ANO6: variants seen among roughly 807,000 people sequenced by gnomAD.
ANO6 encodes anoctamin-6.
ANO6 carries 106 observed loss-of-function variants against 117.5 expected under a neutral mutation model. The ratio of observed to expected loss-of-function variants is 0.90; its 90% CI spans 0.77 to 1.06. The LOEUF is 1.06. Among genes scored for constraint, ANO6 ranks in the 50% least tolerant of loss-of-function variants. The pLI, the probability that ANO6 is intolerant of heterozygous loss-of-function variation, is 0.00. For synonymous variants in ANO6, 367 were observed against 385.1 expected (o/e 0.95, Z 0.55); for missense variants, 955 against 1,121.1 (o/e 0.85, Z 2.12).
chr12:45,325,791 A>G (rs761860004), intron 2 of ANO6, among the ~76,000 whole-genome samples: 5 of 152,194 alleles, frequency 3.3e-5, no homozygotes, highest in Non-Finnish European at 5.9e-5. Flanking sequence ...CCAAATATAT[A>G]TATATTTAGT....
chr12:45,403,627 A>G (rs199752637), intron 15 of ANO6, 91 bp downstream of exon 15: 15 of 954,262 alleles, frequency 1.6e-5, no homozygotes, highest in Admixed American at 6.0e-5. Flanking sequence ...CCACATAGCC[A>G]CATAGCTGCA....
chr12:45,344,534 C>A (rs1262657050), intron 3 of ANO6, among the ~76,000 whole-genome samples: 3 of 152,200 alleles, frequency 2.0e-5, no homozygotes, highest in South Asian at 2.1e-4. Flanking sequence ...TTTAAACAAC[C>A]AGATCTCGTG....
intron 1 of ANO6, among the ~76,000 whole-genome samples, chr12:45,236,827 T>C (rs1947652933): frequency 6.6e-6 from 1 of 152,204 alleles, no homozygotes; most frequent in Non-Finnish European, 1.5e-5. Flanking sequence ...ATGGTTGAAC[T>C]AATTTTCACT....
intron 1 of ANO6, among the ~76,000 whole-genome samples, chr12:45,227,770 T>TA (rs1463223476): frequency 4.6e-5 from 7 of 152,188 alleles, no homozygotes; most frequent in African/African-American, 1.7e-4. Context: ...ATTATGCCTG[T>TA]AGGAACTGCT....
chr12:45,311,984 T>A (rs1309320014), intron 2 of ANO6, among the ~76,000 whole-genome samples: 1 of 152,060 alleles, frequency 6.6e-6, no homozygotes, highest in African/African-American at 2.4e-5. Context: ...ATTAAAACCC[T>A]TTCTCCATAT....
intron 18 of ANO6, 87 bp from the exon 19 acceptor site, chr12:45,422,870 G>A (rs745858425): frequency 2.3e-4 from 239 of 1,046,592 alleles, no homozygotes; most frequent in Non-Finnish European, 3.1e-4. Flanking sequence ...CACTGCACCC[G>A]GCATGACCTC....
At chr12:45,306,149 G>A (rs1939661326) in intron 2 of ANO6, among the ~76,000 whole-genome samples, 1 of 152,146 alleles carries the variant, frequency 6.6e-6, no homozygotes, top group Non-Finnish European at 1.5e-5. Flanking sequence ...CACAAGGAAA[G>A]AGAAGGCCAA....
chr12:45,388,087 T>C, intron 10 of ANO6, 74 bp from the exon 11 acceptor site: 1 of 1,563,592 alleles, frequency 6.4e-7, no homozygotes, highest in Non-Finnish European at 8.8e-7. Flanking sequence ...GGATAATTAA[T>C]ATTATTCAGT....
rs114948143 is a variant in ANO6, at chr12:45,242,110, A to G, written c.70+25719A>G. On this transcript the variant is annotated intron_variant, in intron 1 of 19. Transcript: ENST00000320560. Reference sequence around the variant, plus strand: ...AACCACTACTCTCTCCGGAGTTGTCAGACAGGGATGTTTAAGTCTGCAGAA... The same window carrying G: ...AACCACTACTCTCTCCGGAGTTGTCGGACAGGGATGTTTAAGTCTGCAGAA... Among the ~76,000 whole-genome samples, 1,448 of 152,372 alleles carry G rather than the reference A, an allele frequency of 9.5e-3. 25 individuals carry two copies. Among genetic ancestry groups the G allele is most frequent in the African/African-American group, 0.033 (1,363 of 41,586 alleles).
Position 45,394,402 on chromosome 12 carries a change from G to A in ANO6, c.1386+3904G>A, listed in dbSNP as rs192729405. Among the ~76,000 whole-genome samples, 447 of 152,268 alleles carry A rather than the reference G, an allele frequency of 2.9e-3. 2 individuals carry two copies. The highest frequency in any genetic ancestry group is 3.7e-3 in the Non-Finnish European group (253 of 68,024). On this transcript the variant is annotated intron_variant, in intron 12 of 19. Transcript: ENST00000320560. ...AGACTCCCACACAATAATCATGGGA[G>A]ACTTTAACACCCCACTGTCAATATT... is the stretch of plus-strand genomic sequence containing the variant.
At chr12:45,388,994 C>A (rs781568722) in intron 11 of ANO6, among the ~76,000 whole-genome samples, 53 of 152,294 alleles carry the variant, frequency 3.5e-4, no homozygotes, top group Non-Finnish European at 6.9e-4. Flanking sequence ...ATTCTTGCTT[C>A]TTTCCATCAA....
chr12:45,350,483 A>T (rs533616074), intron 6 of ANO6, among the ~76,000 whole-genome samples, 176 bp from the exon 7 acceptor site: 1 of 152,200 alleles, frequency 6.6e-6, no homozygotes, highest in Non-Finnish European at 1.5e-5. Context: ...ACCCCCAAGG[A>T]GGGTAGTACC....
chr12:45,318,799 T>C (rs1210894988), intron 2 of ANO6, among the ~76,000 whole-genome samples: 1 of 152,222 alleles, frequency 6.6e-6, no homozygotes, highest in African/African-American at 2.4e-5. Context: ...TTTTATTTCA[T>C]TGAGCAGTGG....
intron 3 of ANO6, among the ~76,000 whole-genome samples, chr12:45,343,686 G>C (rs1415599743): frequency 6.6e-6 from 1 of 152,172 alleles, no homozygotes; most frequent in African/African-American, 2.4e-5. Context: ...AAATTCTCCT[G>C]ATGGGTTAGA....
In ANO6 at chr12:45,331,363, A is replaced by C; in HGVS notation, c.219A>C (p.Leu73=). ...NDGQRRIDFV[L]VYEDESRKET... is the part of the protein sequence containing the mutation. ...GCCAGCGAAGAATTGACTTTGTTCT[A>C]GTATATGAGGATGAAAGCAGAAAAG... The change falls in exon 3 of 20, where the codon CTA becomes CTC. Residue 73 remains leucine, a synonymous_variant. Coordinates refer to ENST00000320560, the MANE Select transcript of ANO6 (RefSeq NM_001025356.3). 6.2e-7 allele frequency: 1 copy of C among 1,610,214 alleles called. No individual in the cohort carries two copies. Among genetic ancestry groups the C allele is most frequent in the East Asian group, 2.2e-5 (1 of 44,698 alleles).
intron 16 of ANO6, among the ~76,000 whole-genome samples, chr12:45,412,195 G>A (rs984541154): frequency 1.3e-5 from 2 of 152,144 alleles, no homozygotes; most frequent in South Asian, 4.1e-4. Flanking sequence ...GTAGTTGTCT[G>A]TATTCAAACC....
At chr12:45,342,022 CCTCT>C (rs1053750312) in intron 3 of ANO6, among the ~76,000 whole-genome samples, 5 of 151,880 alleles carry the variant, frequency 3.3e-5, no homozygotes, top group African/African-American at 1.2e-4. Context: ...CTGTTTTTTC[CCTCT>C]ATCTTTTAGA....
At chr12:45,219,392 G>T (rs1037819972) in intron 1 of ANO6, among the ~76,000 whole-genome samples, 1 of 152,150 alleles carries the variant, frequency 6.6e-6, no homozygotes, top group Non-Finnish European at 1.5e-5. Flanking sequence ...CTGGAGTGCA[G>T]TGACGCAGTC....
chr12:45,370,564 T>C (rs890914993), intron 9 of ANO6, among the ~76,000 whole-genome samples: 6 of 152,216 alleles, frequency 3.9e-5, no homozygotes, highest in African/African-American at 1.2e-4. Context: ...GAAGATTGCA[T>C]TGACTCCTAA....
Sources: gnomAD v4.1 joint callset for allele counts (sites outside exome capture counted in the v4.1 genomes callset) on GRCh38, gnomAD v4.1.1 for gene constraint, MANE v1.5 for transcripts, NCBI Gene and HGNC (gene_info 2026-07-23, HGNC 2026-07-21) for gene names.